RNF150: variants seen among roughly 807,000 people sequenced by gnomAD.
The protein encoded by RNF150 is ring finger protein 150.
Under a neutral mutation model 39.3 loss-of-function variants are expected in RNF150, and 24 were observed. The ratio of observed to expected loss-of-function variants is 0.61; its 90% CI spans 0.44 to 0.86. The LOEUF is 0.86. RNF150 is among the 40% of genes least tolerant of loss of function. The pLI, the probability that RNF150 is intolerant of heterozygous loss-of-function variation, is 0.00. For synonymous variants in RNF150, 255 were observed against 227.3 expected (o/e 1.12, Z -1.10); for missense variants, 502 against 587.8 (o/e 0.85, Z 1.51).
intron 4 of RNF150, among the ~76,000 whole-genome samples, chr4:140,939,989 T>C (rs1732020828): frequency 6.6e-6 from 1 of 152,166 alleles, no homozygotes; most frequent in Non-Finnish European, 1.5e-5. Flanking sequence ...TCCTCACTGG[T>C]CCCTCTGACT....
At chr4:141,037,256 A>G (rs1390143639) in intron 1 of RNF150, among the ~76,000 whole-genome samples, 1 of 152,224 alleles carries the variant, frequency 6.6e-6, no homozygotes, top group African/African-American at 2.4e-5. Context: ...TAGCACAGAT[A>G]CATTCATTCC....
intron 1 of RNF150, among the ~76,000 whole-genome samples, chr4:141,142,881 T>C (rs1389992488): frequency 6.6e-6 from 1 of 151,980 alleles, no homozygotes; most frequent in African/African-American, 2.4e-5. Flanking sequence ...TCTCTTTTTT[T>C]TTTTTTTAGA....
At chr4:141,130,117 T>C (rs1342246067) in intron 1 of RNF150, among the ~76,000 whole-genome samples, 1 of 152,176 alleles carries the variant, frequency 6.6e-6, no homozygotes, top group East Asian at 1.9e-4. Flanking sequence ...CTAGGAAAAG[T>C]AAAGCTTTCA....
At chr4:140,928,768 G>T (rs539296229) in intron 4 of RNF150, among the ~76,000 whole-genome samples, 33 of 151,974 alleles carry the variant, frequency 2.2e-4, no homozygotes, top group Admixed American at 2.2e-3. Flanking sequence ...GGATGGTCTC[G>T]ATCTCCTGAC....
At chr4:141,003,604 C>T (rs1443188909) in intron 1 of RNF150, among the ~76,000 whole-genome samples, 1 of 149,122 alleles carries the variant, frequency 6.7e-6, no homozygotes, top group African/African-American at 2.5e-5. Context: ...CACACACACA[C>T]ACACGTGTGC....
intron 6 of RNF150, among the ~76,000 whole-genome samples, chr4:140,909,587 G>T (rs994669907): frequency 6.6e-6 from 1 of 152,056 alleles, no homozygotes; most frequent in Non-Finnish European, 1.5e-5. Flanking sequence ...AAATATTTTG[G>T]ATATACAGGG....
chr4:141,065,399 T>C (rs1008603676), intron 1 of RNF150, among the ~76,000 whole-genome samples: 18 of 152,126 alleles, frequency 1.2e-4, no homozygotes, highest in African/African-American at 4.3e-4. Flanking sequence ...CTGACTCTAC[T>C]AAAAAATTTA....
intron 6 of RNF150, among the ~76,000 whole-genome samples, chr4:140,879,838 G>C (rs1008575081): frequency 6.6e-6 from 1 of 151,990 alleles, no homozygotes; most frequent in African/African-American, 2.4e-5. Context: ...AAAAAAATTT[G>C]CACCTAGAAA....
intron 1 of RNF150, among the ~76,000 whole-genome samples, chr4:141,124,521 A>G (rs1726700979): frequency 6.6e-6 from 1 of 152,236 alleles, no homozygotes; most frequent in African/African-American, 2.4e-5. Context: ...CTCATCCACT[A>G]TTCTTTGGGT....
In RNF150 at chr4:140,947,584, G is replaced by A. The variant is rs1732367786; in HGVS notation, c.890+70C>T. On this transcript the variant is annotated intron_variant, in intron 4 of 6. Transcript: ENST00000515673. ...GGCAGCACTATGCCCAGCAGGTCGG[G>A]GCCAGGGAGGCCACGCAGGCACGCT... 3.5e-6 allele frequency: 4 copies of A among 1,136,474 alleles called. No homozygotes were observed. The Admixed American group carries it at 5.2e-5, about 15-fold the overall frequency. 70.4% of individuals were successfully genotyped at this position (1,136,474 alleles called of 1,614,324 possible).
At chr4:141,080,137 A>C (rs1370595892) in intron 1 of RNF150, among the ~76,000 whole-genome samples, 3 of 152,238 alleles carry the variant, frequency 2.0e-5, no homozygotes, top group Admixed American at 6.5e-5. Context: ...CTTGAAAGAA[A>C]ACCTCTTCCT....
chr4:141,106,506 C>T (rs1739213425), intron 1 of RNF150, among the ~76,000 whole-genome samples: 1 of 152,090 alleles, frequency 6.6e-6, no homozygotes, highest in East Asian at 1.9e-4. Context: ...AACAATATCT[C>T]TTCCGGCCAG....
chr4:141,009,434 T>A (rs1000465382), intron 1 of RNF150, among the ~76,000 whole-genome samples: 1 of 152,190 alleles, frequency 6.6e-6, no homozygotes, highest in Non-Finnish European at 1.5e-5. Flanking sequence ...TCCCTATGTC[T>A]CATGTGGACA....
intron 1 of RNF150, among the ~76,000 whole-genome samples, chr4:141,196,338 A>G (rs1231122255): frequency 1.3e-5 from 2 of 152,152 alleles, no homozygotes; most frequent in Non-Finnish European, 2.9e-5. Flanking sequence ...GAGGAGGGCA[A>G]ATGACCCACA....
At chr4:141,072,387 TAC>T (rs1426605739) in intron 1 of RNF150, among the ~76,000 whole-genome samples, 2 of 152,196 alleles carry the variant, frequency 1.3e-5, no homozygotes, top group South Asian at 4.1e-4. Context: ...AGTAGAGACG[TAC>T]AGAGTACAGA....
chr4:140,877,947 T>C (rs1729221175), intron 6 of RNF150, among the ~76,000 whole-genome samples: 1 of 152,038 alleles, frequency 6.6e-6, no homozygotes, highest in East Asian at 1.9e-4. Context: ...GGCATGTGGA[T>C]GGTTTGACTT....
At chr4:141,107,964 C>T (rs1004085645) in intron 1 of RNF150, among the ~76,000 whole-genome samples, 2 of 152,164 alleles carry the variant, frequency 1.3e-5, no homozygotes, top group African/African-American at 4.8e-5. Context: ...AAATCCAGGA[C>T]ATTGATTACA....
chr4:140,875,333 C>T (rs546861383), intron 6 of RNF150, among the ~76,000 whole-genome samples: 1 of 152,178 alleles, frequency 6.6e-6, no homozygotes, highest in Admixed American at 6.5e-5. Flanking sequence ...CCACCCATAT[C>T]TGGCTAATTA....
chr4:141,147,845 G>C (rs780741665), intron 1 of RNF150, among the ~76,000 whole-genome samples: 2 of 152,122 alleles, frequency 1.3e-5, no homozygotes, highest in Non-Finnish European at 2.9e-5. Flanking sequence ...ATCACTGAAG[G>C]AGGAAGAAAA....
Sources: allele counts gnomAD v4.1 joint callset (sites outside exome capture counted in the v4.1 genomes callset), GRCh38; gene constraint gnomAD v4.1.1; transcripts MANE v1.5; gene names NCBI Gene and HGNC (gene_info 2026-07-23, HGNC 2026-07-21).